Variants in DPH5 observed in about 807,000 individuals in gnomAD.
The protein encoded by DPH5 is diphthine methyl ester synthase.
Under a neutral mutation model 31.6 loss-of-function variants are expected in DPH5, and 31 were observed. The observed-to-expected ratio is 0.98, with a 90% confidence interval of 0.74 to 1.32. The LOEUF is 1.32. Among genes scored for constraint, DPH5 ranks in the 40% most tolerant of loss-of-function variants. DPH5 has a pLI of 0.00. For synonymous variants in DPH5, 120 were observed against 115.0 expected, an observed-to-expected ratio of 1.04 and a Z score of -0.28; for missense variants, 309 against 335.7, an observed-to-expected ratio of 0.92 and a Z score of 0.62.
At chr1:101,013,890 G>A in intron 3 of DPH5, 72 bp from the exon 4 acceptor site, 4 of 1,196,520 alleles carry the variant, frequency 3.3e-6, no homozygotes, top group Non-Finnish European at 4.7e-6. Context: ...TATTTCCTGA[G>A]TTCATGTCAA....
At chr1:101,005,908 G>A (rs963007888) in intron 4 of DPH5, among the ~76,000 whole-genome samples, 2 of 152,068 alleles carry the variant, frequency 1.3e-5, no homozygotes, top group African/African-American at 2.4e-5. Context: ...GGAGGGACCC[G>A]GTAGTGGGGG....
At chr1:101,022,262 T>A (rs1055141530) in intron 2 of DPH5, among the ~76,000 whole-genome samples, 4 of 152,334 alleles carry the variant, frequency 2.6e-5, no homozygotes, top group African/African-American at 9.6e-5. Context: ...AATAGAAAAT[T>A]AGCTGTTTAC....
intron 3 of DPH5, among the ~76,000 whole-genome samples, chr1:101,017,210 G>A (rs982812931): frequency 1.3e-5 from 2 of 152,142 alleles, no homozygotes; most frequent in Non-Finnish European, 2.9e-5. Flanking sequence ...AAAATGCAAT[G>A]TATGTGAAAT....
chr1:100,998,049 A>G (rs1326609515), intron 5 of DPH5, among the ~76,000 whole-genome samples: 1 of 152,248 alleles, frequency 6.6e-6, no homozygotes, highest in Non-Finnish European at 1.5e-5. Flanking sequence ...TTCAAAGACA[A>G]AATTATAAAG....
At chr1:101,010,714 T>A (rs532590630) in intron 4 of DPH5, among the ~76,000 whole-genome samples, 57 of 152,222 alleles carry the variant, frequency 3.7e-4, no homozygotes, top group Non-Finnish European at 6.2e-4. Flanking sequence ...GGTTCTTATC[T>A]CCCTTTTAAA....
intron 5 of DPH5, among the ~76,000 whole-genome samples, chr1:100,998,730 T>G (rs1558036170): frequency 6.6e-6 from 1 of 152,194 alleles, no homozygotes; most frequent in African/African-American, 2.4e-5. Flanking sequence ...AAGTCTCTGC[T>G]CTTATGAAGC....
chr1:101,006,885 G>C (rs762499875), intron 4 of DPH5, among the ~76,000 whole-genome samples: 4 of 152,198 alleles, frequency 2.6e-5, no homozygotes, highest in Admixed American at 6.5e-5. Context: ...ATTTCACAAT[G>C]ATAGGAAATT....
At chr1:101,000,733 T>C (rs1056103429) in intron 5 of DPH5, among the ~76,000 whole-genome samples, 4 of 152,200 alleles carry the variant, frequency 2.6e-5, no homozygotes, top group African/African-American at 9.6e-5. Flanking sequence ...CTACAACATA[T>C]GCTACTAGAA....
intron 5 of DPH5, among the ~76,000 whole-genome samples, chr1:101,000,959 A>C (rs975419455): frequency 6.6e-6 from 1 of 152,224 alleles, no homozygotes; most frequent in Admixed American, 6.5e-5. Flanking sequence ...TTCTGCCAAC[A>C]ATTGACTAGG....
At chr1:101,023,197 T>TA (rs1051651971) in intron 2 of DPH5, 1 of 151,626 alleles carries the variant, frequency 6.6e-6, no homozygotes, top group East Asian at 1.9e-4. Context: ...CGTCTCAAAA[T>TA]AAAAAAACAT....
At chr1:100,994,498 A>C (rs1388470869) in intron 6 of DPH5, among the ~76,000 whole-genome samples, 1 of 151,964 alleles carries the variant, frequency 6.6e-6, no homozygotes, top group Non-Finnish European at 1.5e-5. Flanking sequence ...AACTTGCCCA[A>C]GAGCACTCAA....
intron 4 of DPH5, 82 bp from the exon 5 acceptor site, chr1:101,001,669 C>G: frequency 8.7e-7 from 1 of 1,153,484 alleles, no homozygotes; most frequent in African/African-American, 1.6e-5. Flanking sequence ...ATTTTACAAC[C>G]AAAATAAAAA....
chr1:100,995,115 T>C lies in DPH5; in HGVS notation c.525A>G (p.Leu175=). The C allele has an allele frequency of 1.3e-6, 2 of 1,576,098 alleles. No individual in the cohort carries two copies. The highest frequency in any genetic ancestry group is 1.7e-6 in the Non-Finnish European group (2 of 1,146,560). Residue 175 remains leucine (L), a synonymous_variant, in exon 6 of 8, where the codon CTA becomes CTG. Transcript: ENST00000370109. The part of the protein sequence containing the change: ...IKVKEQSLEN[L]IKGRKIYEPP... ...TTCTCAGAATAATAACTTACTTGAT[T>C]AGATTTTCCAAAGACTGCTCCTTTA...
At chr1:101,019,643 T>C (rs1454924549) in intron 3 of DPH5, among the ~76,000 whole-genome samples, 2 of 152,174 alleles carry the variant, frequency 1.3e-5, no homozygotes, top group African/African-American at 2.4e-5. Flanking sequence ...CTCCATTTAA[T>C]CCACTCATAT....
chr1:101,016,247 G>A (rs1004729709), intron 3 of DPH5, among the ~76,000 whole-genome samples: 3 of 151,796 alleles, frequency 2.0e-5, no homozygotes, highest in East Asian at 2.0e-4. Context: ...CCAGCTACTC[G>A]GGAGGGTGAG....
Position 101,025,701 on chromosome 1 carries a change from G to A in DPH5, c.-42C>T, listed in dbSNP as rs1660777418. 2.0e-6 allele frequency: 1 copy of A among 495,866 alleles called. No homozygotes were observed. The highest frequency in any genetic ancestry group is 2.3e-5 in the South Asian group (1 of 44,076). 30.7% of individuals were successfully genotyped at this position (495,866 alleles called of 1,614,324 possible). A position where few individuals can be genotyped will look rare whatever the true frequency, so the allele number is the denominator to read the frequency against. On this transcript the variant is annotated 5_prime_UTR_variant, in exon 1 of 8. Coordinates refer to ENST00000370109, the MANE Select transcript of DPH5 (RefSeq NM_015958.3). The stretch of plus-strand genomic sequence containing the variant: ...CAATTACCCGCTGAGAGAATCGTAG[G>A]TAGTTCTCTGGCCTTTACAAATTCT...
rs75556181 is a variant in DPH5 at position 101,021,267 on chromosome 1, A to G, written c.260+374T>C. Among the ~76,000 whole-genome samples, 964 of 152,348 alleles carry G rather than the reference A, an allele frequency of 6.3e-3. 15 individuals carry two copies. The highest frequency in any genetic ancestry group is 0.02 in the African/African-American group (836 of 41,586). On this transcript the variant is annotated intron_variant, in intron 3 of 7. Coordinates refer to ENST00000370109, the MANE Select transcript of DPH5 (RefSeq NM_015958.3). ...AAAAACCTAGGACAAAAGAAGTCGAAGATGCCTGAAATTATCAGCAGAAAA... is the reference window on the plus strand; with the variant it reads ...AAAAACCTAGGACAAAAGAAGTCGAGGATGCCTGAAATTATCAGCAGAAAA...
chr1:101,015,043 C>T (rs1200623799), intron 3 of DPH5, among the ~76,000 whole-genome samples: 1 of 152,174 alleles, frequency 6.6e-6, no homozygotes, highest in Admixed American at 6.5e-5. Context: ...CAAAGTCATT[C>T]AGGAGGGTTG....
chr1:100,997,489 C>G (rs1004684471), intron 5 of DPH5, among the ~76,000 whole-genome samples: 1 of 152,014 alleles, frequency 6.6e-6, no homozygotes, highest in African/African-American at 2.4e-5. Flanking sequence ...TCTCAGCCTC[C>G]CGAGTAGCTG....
Sources: allele counts gnomAD v4.1 joint callset (sites outside exome capture counted in the v4.1 genomes callset), GRCh38; gene constraint gnomAD v4.1.1; transcripts MANE v1.5; gene names NCBI Gene and HGNC (gene_info 2026-07-23, HGNC 2026-07-21).